The following KCNIP3 variants were observed in gnomAD, a reference collection of about 807,000 sequenced individuals.
The protein encoded by KCNIP3 is potassium voltage-gated channel interacting protein 3.
Under a neutral mutation model 35.0 loss-of-function variants are expected in KCNIP3, and 28 were observed. The ratio of observed to expected loss-of-function variants is 0.80; its 90% confidence interval spans 0.59 to 1.10. The LOEUF is 1.10. Among genes scored for constraint, KCNIP3 ranks in the 50% least tolerant of loss-of-function variants. KCNIP3 has a pLI of 0.00. For missense variants in KCNIP3, 295 were observed against 338.4 expected (o/e 0.87, Z 1.01); for synonymous variants, 134 against 133.8 (o/e 1.00, Z -0.01).
chr2:95,353,725 C>G (rs897329498), intron 2 of KCNIP3, among the ~76,000 whole-genome samples: 1 of 152,156 alleles, frequency 6.6e-6, no homozygotes, highest in Non-Finnish European at 1.5e-5. Flanking sequence ...TGTTGCGAGG[C>G]TGATGCAGCC....
At position 95,374,388 on chromosome 2, in the gene KCNIP3, G is replaced by A; in HGVS notation, c.274G>A (p.Glu92Lys). The A allele has an allele frequency of 1.2e-6, 2 of 1,614,178 alleles. No individual in the cohort carries two copies. The highest frequency in any genetic ancestry group is 1.7e-6 in the Non-Finnish European group (2 of 1,180,004). ...GGCCCAGACCAAGTTCACCAAGAAGGAGCTGCAGTCTCTCTACAGGGGCTT... is the reference window on the plus strand; with the variant it reads ...GGCCCAGACCAAGTTCACCAAGAAGAAGCTGCAGTCTCTCTACAGGGGCTT... ...LQAQTKFTKK[E>K]LQSLYRGFKN... Residue 92 changes from glutamate to lysine, a missense_variant, in exon 3 of 9, where the codon GAG becomes AAG. Glu to Lys is a moderately conservative substitution (Grantham distance 56, BLOSUM62 1). Transcript: ENST00000295225.
intron 2 of KCNIP3, among the ~76,000 whole-genome samples, chr2:95,330,522 GTGCT>G (rs1486940263): frequency 1.3e-5 from 2 of 152,176 alleles, no homozygotes; most frequent in Non-Finnish European, 2.9e-5. Context: ...TCACACATTG[GTGCT>G]AAGGGAGACT....
Position 95,374,397 on chromosome 2 carries a change from T to A in KCNIP3, c.283T>A (p.Ser95Thr), listed in dbSNP as rs1168580632. The change falls in exon 3 of 9, where the codon TCT (serine) becomes ACT (threonine). Residue 95 changes from serine to threonine, a missense_variant. Transcript: ENST00000295225. Reference protein sequence around the residue: ...QTKFTKKELQSLYRGFKNECP... With the variant: ...QTKFTKKELQTLYRGFKNECP... ...CAAGTTCACCAAGAAGGAGCTGCAG[T>A]CTCTCTACAGGGGCTTTAAGAATGT... 6.2e-7 allele frequency: 1 copy of A among 1,614,082 alleles called. No homozygotes were observed. The highest frequency in any genetic ancestry group is 8.5e-7 in the Non-Finnish European group (1 of 1,179,974).
At chr2:95,325,936 C>T (rs1405973893) in intron 2 of KCNIP3, among the ~76,000 whole-genome samples, 1 of 151,662 alleles carries the variant, frequency 6.6e-6, no homozygotes, top group African/African-American at 2.4e-5. Context: ...CATACACATA[C>T]ACATACACAC....
At chr2:95,314,664 G>C (rs1678407326) in intron 2 of KCNIP3, among the ~76,000 whole-genome samples, 1 of 152,256 alleles carries the variant, frequency 6.6e-6, no homozygotes, top group Non-Finnish European at 1.5e-5. Flanking sequence ...CAGTTGGTCT[G>C]AGTGGTGTGA....
chr2:95,375,327 T>C, intron 5 of KCNIP3, 119 bp downstream of exon 5: 1 of 915,592 alleles, frequency 1.1e-6, no homozygotes. Context: ...GGAAGGATCT[T>C]GTGAGTCACC....
Position 95,378,795 on chromosome 2 carries a change from C to CAT in KCNIP3, c.448-2789_448-2788dup, listed in dbSNP as rs199968632. Among the ~76,000 whole-genome samples, 143 of 149,138 alleles carry CAT rather than the reference C, an allele frequency of 9.6e-4. No homozygotes were observed. Among genetic ancestry groups the CAT allele is most frequent in the South Asian group, 2.8e-3 (13 of 4,712 alleles). On this transcript the variant is annotated intron_variant, in intron 5 of 8. Transcript: ENST00000295225. The surrounding 1 kb of genome is among the most constrained non-coding windows in gnomAD (Gnocchi z 4.0). ...ATATATATATACACACACACACACA[C>CAT]ATATATATATATACACACACACACA...
At chr2:95,381,249 G>A (rs1328551398) in intron 5 of KCNIP3, among the ~76,000 whole-genome samples, 4 of 152,094 alleles carry the variant, frequency 2.6e-5, no homozygotes, top group Non-Finnish European at 2.9e-5. Context: ...AGACACATGC[G>A]CATGCACTCA....
chr2:95,368,815 A>G, intron 2 of KCNIP3: 1 of 224,184 alleles, frequency 4.5e-6, no homozygotes, highest in South Asian at 9.5e-5. Context: ...ACCTTTGATG[A>G]CCCTTCATGT....
At chr2:95,319,123 A>C (rs1206540095) in intron 2 of KCNIP3, among the ~76,000 whole-genome samples, 2 of 152,228 alleles carry the variant, frequency 1.3e-5, no homozygotes, top group African/African-American at 4.8e-5. Context: ...ATGCAAATGT[A>C]AGATTGAGCA....
chr2:95,321,641 G>C (rs1464380010), intron 2 of KCNIP3, among the ~76,000 whole-genome samples: 2 of 152,236 alleles, frequency 1.3e-5, no homozygotes. Flanking sequence ...GAACGACAGA[G>C]CTGATTTAAG....
intron 2 of KCNIP3, among the ~76,000 whole-genome samples, chr2:95,330,081 C>T (rs565590067): frequency 5.3e-5 from 8 of 152,278 alleles, no homozygotes; most frequent in South Asian, 2.1e-4. Flanking sequence ...CGCCAGCTGC[C>T]GCAGCAGAAG....
At chr2:95,324,723 C>T (rs555510661) in intron 2 of KCNIP3, among the ~76,000 whole-genome samples, 11 of 151,078 alleles carry the variant, frequency 7.3e-5, no homozygotes, top group East Asian at 4.0e-4. Flanking sequence ...CCAGCCTGGC[C>T]AATATGGTGA....
rs58903840 is a variant in KCNIP3 at position 95,384,169 on chromosome 2, T to TACACACACACACACAC, written c.*142_*157dup. On this transcript the variant is annotated 3_prime_UTR_variant, in exon 9 of 9. Coordinates refer to ENST00000295225, the MANE Select transcript of KCNIP3 (RefSeq NM_013434.5). ...GATTTGCAAAAAGTGAACAGATTGC[T>TACACACACACACACAC]ACACACACACACACACACACACACA... The TACACACACACACACAC allele has an allele frequency of 1.9e-5, 10 of 513,308 alleles. No homozygotes were observed. Among genetic ancestry groups the TACACACACACACACAC allele is most frequent in the Admixed American group, 2.9e-5 (1 of 35,012 alleles). 31.8% of individuals were successfully genotyped at this position (513,308 alleles called of 1,614,324 possible).
At chr2:95,303,297 G>A (rs886907775) in intron 1 of KCNIP3, 2 of 152,258 alleles carry the variant, frequency 1.3e-5, no homozygotes, top group Non-Finnish European at 2.9e-5. Flanking sequence ...GGAGCCACGA[G>A]GCAAAATGTC....
chr2:95,345,323 A>G (rs1450790200), intron 2 of KCNIP3, among the ~76,000 whole-genome samples: 2 of 152,332 alleles, frequency 1.3e-5, no homozygotes, highest in Non-Finnish European at 1.5e-5. Context: ...AAAATGGAGG[A>G]AGAGGAAAGC....
chr2:95,350,746 TATC>T (rs1298320860), intron 2 of KCNIP3, among the ~76,000 whole-genome samples: 1 of 152,084 alleles, frequency 6.6e-6, no homozygotes. Context: ...AGCTGTACAT[TATC>T]ATTGTAATCA....
intron 2 of KCNIP3, among the ~76,000 whole-genome samples, chr2:95,318,975 G>T (rs1273590208): frequency 6.6e-6 from 1 of 152,210 alleles, no homozygotes; most frequent in African/African-American, 2.4e-5. Context: ...TGCAGCCGCC[G>T]GCAGGGCTGG....
chr2:95,321,486 G>A (rs1009698929), intron 2 of KCNIP3, among the ~76,000 whole-genome samples: 2 of 152,190 alleles, frequency 1.3e-5, no homozygotes, highest in Non-Finnish European at 2.9e-5. Context: ...GACGGAGGCA[G>A]CAGAGACCAG....
Sources: allele counts gnomAD v4.1 joint callset (sites outside exome capture counted in the v4.1 genomes callset), GRCh38; gene constraint gnomAD v4.1.1; non-coding constraint Gnocchi (gnomAD v3.1); transcripts MANE v1.5; gene names NCBI Gene and HGNC (gene_info 2026-07-23, HGNC 2026-07-21).